Variants in FSTL4 observed in about 807,000 individuals in gnomAD.
The protein encoded by FSTL4 is follistatin like 4.
Under a neutral mutation model 78.2 loss-of-function variants are expected in FSTL4, and 28 were observed. That is an observed-to-expected ratio of 0.36 (90% CI 0.27 to 0.49). The LOEUF is 0.49. Among genes scored for constraint, FSTL4 ranks in the 20% least tolerant of loss-of-function variants. The pLI, the probability that FSTL4 is intolerant of heterozygous loss-of-function variation, is 0.98. For synonymous variants in FSTL4, 422 were observed against 440.5 expected, an observed-to-expected ratio of 0.96 and a Z score of 0.53; for missense variants, 922 against 1,084.9, an observed-to-expected ratio of 0.85 and a Z score of 2.11.
Position 133,316,483 on chromosome 5 carries a change from G to A in FSTL4, c.579C>T (p.His193=), listed in dbSNP as rs201627375. 6.2e-7 allele frequency: 1 copy of A among 1,614,038 alleles called. No homozygotes were observed. The highest frequency in any genetic ancestry group is 1.7e-5 in the Admixed American group (1 of 60,016). Residue 193 remains histidine, a synonymous_variant, in exon 5 of 16, where the codon CAC becomes CAT. Coordinates refer to ENST00000265342, the MANE Select transcript of FSTL4 (RefSeq NM_015082.2). ...FRDLDADGNG[H]LSSSELAQHV... is the part of the protein sequence containing the mutation. The stretch of plus-strand genomic sequence containing the variant: ...CCTGAGCCAGTTCGGAGCTGCTGAG[G>A]TGGCCATTGCCATCTGCATCTAAGT...
upstream of FSTL4, among the ~76,000 whole-genome samples, chr5:133,615,908 G>A (rs543186548): frequency 6.6e-6 from 1 of 152,274 alleles, no homozygotes; most frequent in African/African-American, 2.4e-5. Flanking sequence ...ATGAGAAGAT[G>A]CAGTGATGGA....
the FSTL4 span, among the ~76,000 whole-genome samples, chr5:133,673,623 C>G: frequency 6.6e-6 from 1 of 152,208 alleles, no homozygotes; most frequent in African/African-American, 2.4e-5. Flanking sequence ...ACTTTGAATT[C>G]TCCAATTTAA....
intron 13 of FSTL4, chr5:133,211,104 G>T (rs1332583535): frequency 6.6e-6 from 1 of 152,218 alleles, no homozygotes. Context: ...CACAGCCTTT[G>T]ACTGGCGCCT....
the FSTL4 span, among the ~76,000 whole-genome samples, chr5:133,790,338 T>C: frequency 1.3e-5 from 2 of 152,194 alleles, no homozygotes; most frequent in East Asian, 3.8e-4. Flanking sequence ...AGGTTTCTCA[T>C]CTACAACATG....
the FSTL4 span, among the ~76,000 whole-genome samples, chr5:133,767,522 G>A: frequency 6.6e-6 from 1 of 152,192 alleles, no homozygotes; most frequent in East Asian, 1.9e-4. Context: ...GAGTTTGCTG[G>A]TCTATAGGCA....
intron 3 of FSTL4, among the ~76,000 whole-genome samples, chr5:133,446,539 T>TC (rs1272564764): frequency 2.0e-5 from 3 of 151,984 alleles, no homozygotes; most frequent in Non-Finnish European, 4.4e-5. Flanking sequence ...ACACTGGCAC[T>TC]CCCCCCACTC....
the FSTL4 span, among the ~76,000 whole-genome samples, chr5:133,689,965 G>A: frequency 1.3e-5 from 2 of 152,154 alleles, no homozygotes; most frequent in Non-Finnish European, 2.9e-5. Context: ...GGAGGCTGAG[G>A]CAGGAGAATT....
intron 7 of FSTL4, among the ~76,000 whole-genome samples, chr5:133,242,259 G>C (rs909638161): frequency 3.0e-4 from 46 of 152,170 alleles, no homozygotes. Flanking sequence ...AGGACCTCCT[G>C]GTGACTCCCT....
At chr5:133,750,406 T>C in the FSTL4 span, among the ~76,000 whole-genome samples, 5 of 152,148 alleles carry the variant, frequency 3.3e-5, no homozygotes, top group South Asian at 4.1e-4. Context: ...TGAGGACATC[T>C]GCCATTTATG....
intron 3 of FSTL4, among the ~76,000 whole-genome samples, chr5:133,452,293 A>C (rs1337607903): frequency 6.6e-6 from 1 of 152,268 alleles, no homozygotes; most frequent in Non-Finnish European, 1.5e-5. Context: ...TTGTTGTATC[A>C]TCCTTTGCTC....
chr5:133,512,863 G>A (rs1173461069), intron 3 of FSTL4, among the ~76,000 whole-genome samples: 2 of 152,014 alleles, frequency 1.3e-5, no homozygotes, highest in African/African-American at 4.8e-5. Flanking sequence ...TCTCGCCCAG[G>A]CTGGAGTGCA....
At chr5:133,691,572 G>C in the FSTL4 span, among the ~76,000 whole-genome samples, 2 of 152,032 alleles carry the variant, frequency 1.3e-5, no homozygotes, top group Non-Finnish European at 2.9e-5. Flanking sequence ...TCCCAAGAAG[G>C]GTTCGAGGCT....
chr5:133,203,861 C>T (rs1383266758), intron 14 of FSTL4, among the ~76,000 whole-genome samples: 5 of 152,200 alleles, frequency 3.3e-5, no homozygotes, highest in Admixed American at 6.5e-5. Context: ...AAACGCAGTG[C>T]CATGGGCCAT....
intron 6 of FSTL4, among the ~76,000 whole-genome samples, chr5:133,305,717 C>T (rs990236675): frequency 1.1e-4 from 17 of 152,190 alleles, no homozygotes; most frequent in Non-Finnish European, 1.0e-4. Context: ...GCTCTGTGTG[C>T]GTTTGCTGAC....
At chr5:133,393,292 C>T (rs572116703) in intron 4 of FSTL4, among the ~76,000 whole-genome samples, 2 of 152,254 alleles carry the variant, frequency 1.3e-5, no homozygotes, top group East Asian at 3.9e-4. Context: ...TAAAGCAGCT[C>T]CCAAAGGATA....
the FSTL4 span, among the ~76,000 whole-genome samples, chr5:133,691,039 T>G: frequency 6.6e-6 from 1 of 152,206 alleles, no homozygotes; most frequent in African/African-American, 2.4e-5. Flanking sequence ...AATCCTGCCA[T>G]GCTTTGGATC....
chr5:133,288,767 G>T (rs747217714), intron 6 of FSTL4, among the ~76,000 whole-genome samples: 1 of 152,218 alleles, frequency 6.6e-6, no homozygotes, highest in South Asian at 2.1e-4. Context: ...TGACCTATCC[G>T]AGTGGCAGCC....
chr5:133,739,658 C>T, the FSTL4 span, among the ~76,000 whole-genome samples: 3 of 152,220 alleles, frequency 2.0e-5, no homozygotes, highest in African/African-American at 7.2e-5. Context: ...GGAGGAAAAG[C>T]TCATGTTTAC....
the FSTL4 span, among the ~76,000 whole-genome samples, chr5:133,744,385 G>A: frequency 1.7e-3 from 259 of 152,322 alleles, no homozygotes; most frequent in African/African-American, 6.1e-3. Context: ...CTCCTGCTGT[G>A]TGATAAGCGC....
Sources: gnomAD v4.1 joint callset for allele counts (sites outside exome capture counted in the v4.1 genomes callset) on GRCh38, gnomAD v4.1.1 for gene constraint, MANE v1.5 for transcripts, NCBI Gene and HGNC (gene_info 2026-07-23, HGNC 2026-07-21) for gene names.